Variants in KLHL17 observed in about 807,000 individuals in gnomAD.
The protein encoded by KLHL17 is kelch-like protein 17.
KLHL17 carries 71 observed loss-of-function variants against 64.6 expected under a neutral mutation model. The observed-to-expected ratio is 1.10, with a 90% CI of 0.91 to 1.34. The LOEUF (loss-of-function observed/expected upper bound fraction) is 1.34. Among genes scored for constraint, KLHL17 ranks in the 40% most tolerant of loss-of-function variants. The pLI is 0.00. For missense variants in KLHL17, 1,140 were observed against 935.0 expected (o/e 1.22, Z -2.86); for synonymous variants, 612 against 405.4 (o/e 1.51, Z -6.12).
At chr1:963,592 G>A (rs559753801) in intron 8 of KLHL17, 88 bp downstream of exon 8, 7 of 1,416,340 alleles carry the variant, frequency 4.9e-6, no homozygotes, top group Non-Finnish European at 6.6e-6. Context: ...GTATCTGATG[G>A]GGTGTTAAAG....
At chr1:960,855 C>T (rs1642607194) in intron 1 of KLHL17, 55 bp downstream of exon 1, 3 of 973,562 alleles carry the variant, frequency 3.1e-6, no homozygotes, top group African/African-American at 1.8e-5. Flanking sequence ...GCGCGGCCCC[C>T]GCCCTCGCGT....
At position 964,135 on chromosome 1, in the gene KLHL17, C is replaced by A; in HGVS notation, c.1473C>A (p.Tyr491Ter). The A allele has an allele frequency of 6.2e-7, 1 of 1,612,722 alleles. No individual in the cohort carries two copies. Among genetic ancestry groups the A allele is most frequent in the Non-Finnish European group, 8.5e-7 (1 of 1,179,926 alleles). ...GGAACCTGTATGCTGTGGGCGGCTA[C>A]GACAGCTCCTCACACCTGGCCACTG... is the stretch of plus-strand genomic sequence containing the variant. ...LDGNLYAVGG[Y>*]DSSSHLATVE... The change falls in exon 10 of 12, where the codon TAC becomes TAA. Residue 491 changes from tyrosine to a stop codon, truncating the protein, a stop_gained. Coordinates refer to ENST00000338591, the MANE Select transcript of KLHL17 (RefSeq NM_198317.3). LOFTEE classifies it high-confidence loss of function.
intron 8 of KLHL17, 158 bp downstream of exon 8, chr1:963,662 G>C: frequency 1.1e-6 from 1 of 951,404 alleles, no homozygotes; most frequent in Non-Finnish European, 1.5e-6. Context: ...TGAACTCTTG[G>C]CTTTGCTGCC....
chr1:962,789 C>T lies in KLHL17; in HGVS notation c.914C>T (p.Pro305Leu). The change falls in exon 6 of 12, where the codon CCT becomes CTT. Residue 305 changes from proline (P) to leucine (L), a missense_variant. By Grantham distance (98) the Pro-to-Leu change is moderately conservative. Transcript: ENST00000338591. Reference protein sequence around the residue: ...VDAESLVRHHPDCKDLLIEAL... With the variant: ...VDAESLVRHHLDCKDLLIEAL... ...GCCGAGAGCCTGGTGAGGCACCACC[C>T]TGACTGCAAGGACCTCCTCATCGAG... 1 of 1,611,120 alleles carries T rather than the reference C, an allele frequency of 6.2e-7. No homozygotes were observed. The highest frequency in any genetic ancestry group is 1.7e-5 in the Admixed American group (1 of 59,960).
At chr1:961,254 C>T in intron 1 of KLHL17, 39 bp from the exon 2 acceptor site, 1 of 1,347,984 alleles carries the variant, frequency 7.4e-7, no homozygotes, top group Non-Finnish European at 9.4e-7. Flanking sequence ...GGGCGGGCGG[C>T]TCCAGCGGGG....
Position 962,425 on chromosome 1 carries a change from G to A in KLHL17, c.782G>A (p.Ser261Asn), listed in dbSNP as rs373722345. 2.5e-5 allele frequency: 41 copies of A among 1,612,654 alleles called. No homozygotes were observed. Among genetic ancestry groups the A allele is most frequent in the Admixed American group, 8.3e-5 (5 of 59,994 alleles). ...GAGGAGGTCTACCGAGCCGTCCTGA[G>A]CTGGGTGAAACACGACGTGGACGCC... ...SEEEVYRAVLSWVKHDVDARR... is the reference protein window; with the variant it reads ...SEEEVYRAVLNWVKHDVDARR... Residue 261 changes from serine (S) to asparagine (N), a missense_variant, in exon 5 of 12, where the codon AGC becomes AAC. Ser to Asn is a conservative substitution (Grantham distance 46). Coordinates refer to ENST00000338591, the MANE Select transcript of KLHL17 (RefSeq NM_198317.3).
At chr1:962,331 AG>A (rs766526145) in intron 4 of KLHL17, 23 bp from the exon 5 acceptor site, 15 of 1,611,760 alleles carry the variant, frequency 9.3e-6, no homozygotes, top group Middle Eastern at 1.6e-4. Flanking sequence ...CCCAGATCTC[AG>A]GTCTGAGGAC....
rs368109841 is a variant in KLHL17, at chr1:961,488, G to A, written c.303G>A (p.Lys101=). The A allele has an allele frequency of 4.0e-5, 64 of 1,612,418 alleles. No homozygotes were observed. The highest frequency in any genetic ancestry group is 1.3e-4 in the Admixed American group (8 of 59,990). ...LCDIVLHVAA[K]EIRAHKVVLA... is the part of the protein sequence containing the mutation. ...ACATCGTCCTGCACGTGGCTGCCAA[G>A]GAGATCCGTGCGCACAAAGTGGTGC... The change falls in exon 2 of 12, where the codon AAG becomes AAA. Residue 101 remains lysine, a synonymous_variant. Coordinates refer to ENST00000338591, the MANE Select transcript of KLHL17 (RefSeq NM_198317.3).
At chr1:960,966 C>A in intron 1 of KLHL17, 166 bp downstream of exon 1, 1 of 409,006 alleles carries the variant, frequency 2.4e-6, no homozygotes, top group Non-Finnish European at 3.3e-6. Context: ...ACCCGCGCCC[C>A]GCGCGCCCAG....
Position 961,312 on chromosome 1 carries a change from C to T in KLHL17, c.127C>T (p.Arg43Trp), listed in dbSNP as rs1454962573. The change falls in exon 2 of 12, where the codon CGG (arginine) becomes TGG (tryptophan). Residue 43 changes from arginine to tryptophan, a missense_variant. Transcript: ENST00000338591. ...QPPAPEAERT[R>W]PRQARPAAPM... ...CTGCAGCCCCGAGGCAGAGCGCACG[C>T]GGCCCCGGCAGGCTCGGCCCGCAGC... is the stretch of plus-strand genomic sequence containing the variant. 1 of 1,524,104 alleles carries T rather than the reference C, an allele frequency of 6.6e-7. No homozygotes were observed. Among genetic ancestry groups the T allele is most frequent in the East Asian group, 2.5e-5 (1 of 40,440 alleles). The allele number at this position is 1,524,104 out of a possible 1,614,324, so 94.4% of individuals were successfully genotyped here. A position where few individuals can be genotyped will look rare whatever the true frequency, so the allele number is the denominator to read the frequency against.
At chr1:962,073 G>T in intron 4 of KLHL17, 26 bp downstream of exon 4, 10 of 1,559,804 alleles carry the variant, frequency 6.4e-6, no homozygotes, top group Admixed American at 1.8e-5. Flanking sequence ...CCCAGCCCTC[G>T]CCCCCCACCC....
intron 8 of KLHL17, 83 bp from the exon 9 acceptor site, chr1:963,837 C>T (rs1642765450): frequency 3.5e-6 from 5 of 1,422,934 alleles, no homozygotes; most frequent in South Asian, 2.3e-5. Flanking sequence ...AGATTTCAGC[C>T]ATTCCGCTGG....
chr1:962,549 T>A, intron 5 of KLHL17, 78 bp downstream of exon 5: 2 of 1,567,468 alleles, frequency 1.3e-6, no homozygotes, highest in Non-Finnish European at 1.7e-6. Flanking sequence ...CACCCTGACC[T>A]TCCCCGAGTT....
chr1:962,094 C>T (rs1557630395), intron 4 of KLHL17, 47 bp downstream of exon 4: 8 of 1,510,814 alleles, frequency 5.3e-6, no homozygotes, highest in Non-Finnish European at 6.3e-6. Context: ...CACCCCACCC[C>T]AGTCTTTGTC....
Position 961,672 on chromosome 1 carries a change from C to T in KLHL17, c.411C>T (p.Asp137=), listed in dbSNP as rs1204785948. 6 of 1,612,602 alleles carry T rather than the reference C, an allele frequency of 3.7e-6. No homozygotes were observed. The highest frequency in any genetic ancestry group is 3.3e-5 in the South Asian group (3 of 91,046). The change falls in exon 3 of 12, where the codon GAC becomes GAT. Residue 137 remains aspartate (D), a synonymous_variant. Coordinates refer to ENST00000338591, the MANE Select transcript of KLHL17 (RefSeq NM_198317.3). ...ESRQTHVTLH[D]IDPQALDQLV... is the part of the protein sequence containing the mutation. ...GCCAGACCCACGTGACGCTGCACGA[C>T]ATCGACCCTCAGGCCTTGGACCAGC...
chr1:964,232 C>T (rs757800565), intron 10 of KLHL17, 52 bp downstream of exon 10: 47 of 1,604,240 alleles, frequency 2.9e-5, no homozygotes, highest in South Asian at 1.3e-4. Context: ...GCGGGGCCCT[C>T]CTCCCTCTGT....
In KLHL17 at chr1:961,854, A is replaced by G; in HGVS notation, c.518A>G (p.Gln173Arg). ...CTGCTCCCAGCCGCCAGTCTCCTGC[A>G]GCTGAATGGCGTCCGAGACGCTTGC... ...QTLLPAASLL[Q>R]LNGVRDACCK... The change falls in exon 4 of 12, where the codon CAG becomes CGG. Residue 173 changes from glutamine to arginine, a missense_variant. Gln to Arg is a conservative substitution (Grantham distance 43). Transcript: ENST00000338591. 1 of 1,611,368 alleles carries G rather than the reference A, an allele frequency of 6.2e-7. No individual in the cohort carries two copies. Among genetic ancestry groups the G allele is most frequent in the Non-Finnish European group, 8.5e-7 (1 of 1,179,966 alleles).
At chr1:963,274 TG>T (rs762509334) in intron 7 of KLHL17, 21 bp downstream of exon 7, 1 of 1,599,130 alleles carries the variant, frequency 6.3e-7, no homozygotes. Context: ...AGGCTGGACT[TG>T]GGTCGGGTCT....
In KLHL17 at chr1:961,525, A is replaced by G; in HGVS notation, c.340A>G (p.Ser114Gly). The part of the protein sequence containing the change: ...RAHKVVLASC[S>G]PYFHAMFTNE... ...GCACAAAGTGGTGCTGGCCTCCTGCAGCCCCTACTTCCACGCCATGTTCAC... is the reference window on the plus strand; with the variant it reads ...GCACAAAGTGGTGCTGGCCTCCTGCGGCCCCTACTTCCACGCCATGTTCAC... Residue 114 changes from serine to glycine, a missense_variant, in exon 2 of 12, where the codon AGC (serine) becomes GGC (glycine). By Grantham distance (56) the Ser-to-Gly change is moderately conservative. Transcript: ENST00000338591. 6.2e-7 allele frequency: 1 copy of G among 1,612,604 alleles called. No individual in the cohort carries two copies. The highest frequency in any genetic ancestry group is 8.5e-7 in the Non-Finnish European group (1 of 1,179,964).
Sources: allele counts gnomAD v4.1 joint callset, GRCh38; gene constraint gnomAD v4.1.1; transcripts MANE v1.5; gene names NCBI Gene and HGNC (gene_info 2026-07-23, HGNC 2026-07-21).